Variants in PRKAR2B observed in about 807,000 individuals in gnomAD.
The protein encoded by PRKAR2B is protein kinase cAMP-dependent type II regulatory subunit beta, also known as cAMP-dependent protein kinase type II-beta regulatory subunit.
PRKAR2B carries 14 observed loss-of-function variants against 49.9 expected under a neutral mutation model. The ratio of observed to expected loss-of-function variants is 0.28; its 90% CI spans 0.19 to 0.44. The LOEUF (loss-of-function observed/expected upper bound fraction) is 0.44, where lower values mean the gene tolerates loss of function less well. Among genes scored for constraint, PRKAR2B ranks in the 20% least tolerant of loss-of-function variants. The pLI, the probability that PRKAR2B is intolerant of heterozygous loss-of-function variation, is 1.00. For synonymous variants in PRKAR2B, 196 were observed against 197.7 expected, an observed-to-expected ratio of 0.99 and a Z score of 0.07; for missense variants, 393 against 537.9, an observed-to-expected ratio of 0.73 and a Z score of 2.67.
intron 7 of PRKAR2B, among the ~76,000 whole-genome samples, chr7:107,152,424 G>A (rs1460457779): frequency 6.6e-6 from 1 of 152,152 alleles, no homozygotes; most frequent in Non-Finnish European, 1.5e-5. Flanking sequence ...CAGCTGCAGG[G>A]CTCCTTCATT....
At chr7:107,145,717 C>T (rs1421670114) in intron 5 of PRKAR2B, among the ~76,000 whole-genome samples, 1 of 150,480 alleles carries the variant, frequency 6.6e-6, no homozygotes, top group Admixed American at 6.6e-5. Context: ...GCCACCACAC[C>T]CAGCCTCTTC....
intron 10 of PRKAR2B, among the ~76,000 whole-genome samples, chr7:107,158,645 G>A (rs1471119651): frequency 6.6e-6 from 1 of 152,086 alleles, no homozygotes; most frequent in Non-Finnish European, 1.5e-5. Context: ...TGTATTATAG[G>A]AGTTTTCCTT....
chr7:107,097,400 A>G (rs865975896), intron 2 of PRKAR2B, among the ~76,000 whole-genome samples: 1 of 151,964 alleles, frequency 6.6e-6, no homozygotes, highest in Non-Finnish European at 1.5e-5. Context: ...AGCTATGTGT[A>G]TCTCTGCACG....
intron 2 of PRKAR2B, among the ~76,000 whole-genome samples, chr7:107,104,422 C>T (rs961224094): frequency 6.6e-6 from 1 of 152,152 alleles, no homozygotes; most frequent in Non-Finnish European, 1.5e-5. Context: ...GGGCTAAGTC[C>T]TTGTCCCAAG....
intron 2 of PRKAR2B, chr7:107,091,828 G>T (rs1226464503): frequency 6.6e-6 from 1 of 152,136 alleles, no homozygotes; most frequent in Non-Finnish European, 1.5e-5. Flanking sequence ...CTCATATGTT[G>T]TTTAGAATTT....
At chr7:107,103,697 T>C (rs1471694647) in intron 2 of PRKAR2B, among the ~76,000 whole-genome samples, 1 of 152,214 alleles carries the variant, frequency 6.6e-6, no homozygotes, top group African/African-American at 2.4e-5. Context: ...CTTACTGGCT[T>C]TTTCTATCGG....
At chr7:107,069,228 G>T (rs1443483975) in intron 1 of PRKAR2B, among the ~76,000 whole-genome samples, 4 of 152,206 alleles carry the variant, frequency 2.6e-5, no homozygotes, top group African/African-American at 9.6e-5. Flanking sequence ...GAGCCACTGT[G>T]CCTGGCCGAA....
intron 1 of PRKAR2B, among the ~76,000 whole-genome samples, chr7:107,056,441 T>C (rs989633345): frequency 4.6e-5 from 7 of 152,312 alleles, no homozygotes; most frequent in South Asian, 2.1e-4. Flanking sequence ...ATTCTTCCTA[T>C]CCATGAGCAT....
chr7:107,052,936 TCTC>T (rs1793835699), intron 1 of PRKAR2B, among the ~76,000 whole-genome samples: 1 of 152,194 alleles, frequency 6.6e-6, no homozygotes, highest in African/African-American at 2.4e-5. Context: ...TTCAAGTGAT[TCTC>T]CTGCCTCAGC....
intron 2 of PRKAR2B, among the ~76,000 whole-genome samples, chr7:107,099,115 G>A (rs1414216838): frequency 6.6e-6 from 1 of 152,208 alleles, no homozygotes; most frequent in Non-Finnish European, 1.5e-5. Flanking sequence ...GCTGCCAGAG[G>A]TGGAGTCTAC....
chr7:107,096,745 T>C (rs1302008599), intron 2 of PRKAR2B, among the ~76,000 whole-genome samples: 1 of 152,170 alleles, frequency 6.6e-6, no homozygotes, highest in East Asian at 1.9e-4. Context: ...ATCTTTATTT[T>C]TGCCTCCATT....
chr7:107,106,378 C>T (rs553646278), intron 2 of PRKAR2B, among the ~76,000 whole-genome samples: 1 of 152,264 alleles, frequency 6.6e-6, no homozygotes, highest in African/African-American at 2.4e-5. Context: ...TATTCATGGA[C>T]AGTACCCAGA....
intron 4 of PRKAR2B, among the ~76,000 whole-genome samples, chr7:107,129,582 C>A (rs1795560363): frequency 6.6e-6 from 1 of 152,090 alleles, no homozygotes; most frequent in Non-Finnish European, 1.5e-5. Context: ...CATCCAGACC[C>A]CAAGAGAGGG....
intron 2 of PRKAR2B, among the ~76,000 whole-genome samples, chr7:107,099,052 A>G (rs983482546): frequency 2.0e-5 from 3 of 152,230 alleles, no homozygotes; most frequent in Non-Finnish European, 2.9e-5. Flanking sequence ...GCTGTCAGAC[A>G]GGGACATTTA....
intron 1 of PRKAR2B, among the ~76,000 whole-genome samples, chr7:107,060,407 A>C (rs746148160): frequency 6.6e-6 from 1 of 152,232 alleles, no homozygotes; most frequent in Non-Finnish European, 1.5e-5. Context: ...GTCAGATTTC[A>C]ACAAGCTTTG....
At position 107,092,303 on chromosome 7, in the gene PRKAR2B, G is replaced by T. The variant is rs546883123; in HGVS notation, c.343+21987G>T. On this transcript the variant is annotated intron_variant, in intron 2 of 10. Transcript: ENST00000265717. ...TGTGTGTGTGTGTGTGTCACAGAATGAAATTAGCAGATGTATCATTACCAG... is the reference window on the plus strand; with the variant it reads ...TGTGTGTGTGTGTGTGTCACAGAATTAAATTAGCAGATGTATCATTACCAG... 2.1e-4 allele frequency among the ~76,000 whole-genome samples: 31 copies of T among 151,068 alleles called. No individual in the cohort carries two copies. The South Asian group carries it at 6.5e-3, about 32-fold the overall frequency.
intron 4 of PRKAR2B, chr7:107,129,055 A>C (rs559294219): frequency 1.2e-4 from 19 of 152,266 alleles, no homozygotes; most frequent in African/African-American, 4.3e-4. Flanking sequence ...TATTTGGTCA[A>C]ACTCAACATC....
intron 2 of PRKAR2B, among the ~76,000 whole-genome samples, chr7:107,110,086 G>A (rs1187382951): frequency 3.3e-5 from 5 of 152,196 alleles, no homozygotes; most frequent in Non-Finnish European, 7.3e-5. Flanking sequence ...GGTGCAGAGA[G>A]ATAATCCATG....
chr7:107,061,777 A>G (rs1201054636), intron 1 of PRKAR2B, among the ~76,000 whole-genome samples: 1 of 152,104 alleles, frequency 6.6e-6, no homozygotes, highest in Non-Finnish European at 1.5e-5. Flanking sequence ...CATGCCTTTA[A>G]TCCCAGCTAC....
Sources: gnomAD v4.1 joint callset for allele counts (sites outside exome capture counted in the v4.1 genomes callset) on GRCh38, gnomAD v4.1.1 for gene constraint, MANE v1.5 for transcripts, NCBI Gene and HGNC (gene_info 2026-07-23, HGNC 2026-07-21) for gene names.